NEK10: variants seen among roughly 807,000 people sequenced by gnomAD.
NEK10 encodes NIMA related kinase 10.
NEK10 carries 122 observed loss-of-function variants against 159.8 expected under a neutral mutation model. That is an observed-to-expected ratio of 0.76 (90% CI 0.66 to 0.89). The LOEUF (loss-of-function observed/expected upper bound fraction) is 0.89. NEK10 is among the 40% of genes least tolerant of loss of function. The probability of loss-of-function intolerance (pLI) is 0.00; values close to 1 mark genes in which losing one functional copy is unlikely to be tolerated. For missense variants in NEK10, 1,342 were observed against 1,323.1 expected, an observed-to-expected ratio of 1.01 and a Z score of -0.22; for synonymous variants, 466 against 457.1, an observed-to-expected ratio of 1.02 and a Z score of -0.25.
chr3:27,215,829 G>C (rs372635664), intron 23 of NEK10: 3 of 717,530 alleles, frequency 4.2e-6, no homozygotes, highest in East Asian at 5.4e-5. Context: ...GAGCCAGCAC[G>C]TTTTATGTGG....
chr3:27,231,206 A>T (rs1953223539), intron 23 of NEK10, among the ~76,000 whole-genome samples: 1 of 152,008 alleles, frequency 6.6e-6, no homozygotes, highest in Non-Finnish European at 1.5e-5. Context: ...CAACTCTAAA[A>T]GGAACCCTCC....
chr3:27,184,264 T>C (rs971612518), intron 26 of NEK10, among the ~76,000 whole-genome samples: 2 of 152,196 alleles, frequency 1.3e-5, no homozygotes, highest in Admixed American at 6.5e-5. Flanking sequence ...AAATTACTAA[T>C]ACACACCACG....
intron 32 of NEK10, among the ~76,000 whole-genome samples, chr3:27,130,212 T>C (rs537503724): frequency 6.6e-6 from 1 of 152,316 alleles, no homozygotes; most frequent in Non-Finnish European, 1.5e-5. Flanking sequence ...TGGCAGTCTT[T>C]ATAGGAGAGT....
intron 6 of NEK10, among the ~76,000 whole-genome samples, chr3:27,316,231 G>A (rs1049735522): frequency 1.2e-4 from 18 of 152,180 alleles, no homozygotes; most frequent in Non-Finnish European, 1.6e-4. Flanking sequence ...TGGAGATGGG[G>A]AGCGTATCAA....
chr3:27,228,073 G>T (rs1952821451), intron 23 of NEK10, among the ~76,000 whole-genome samples: 1 of 152,150 alleles, frequency 6.6e-6, no homozygotes. Context: ...ATGAGAAAAC[G>T]ATCACCAATG....
At chr3:27,117,639 T>C (rs1940664427) in intron 33 of NEK10, among the ~76,000 whole-genome samples, 1 of 152,362 alleles carries the variant, frequency 6.6e-6, no homozygotes, top group East Asian at 1.9e-4. Flanking sequence ...TTGAGTAGCA[T>C]CTGTTCATGT....
chr3:27,287,549 A>G (rs2042707982), intron 20 of NEK10, 149 bp downstream of exon 20: 2 of 720,282 alleles, frequency 2.8e-6, no homozygotes, highest in East Asian at 3.6e-5. Context: ...ACTAGTCAAG[A>G]AAGTGATGCT....
intron 23 of NEK10, among the ~76,000 whole-genome samples, chr3:27,236,401 G>A (rs949611777): frequency 6.6e-6 from 1 of 152,106 alleles, no homozygotes; most frequent in Non-Finnish European, 1.5e-5. Context: ...GTCTTTTGCA[G>A]CAACTTGGGT....
At chr3:27,293,357 G>A (rs1245987760) in intron 16 of NEK10, among the ~76,000 whole-genome samples, 1 of 152,202 alleles carries the variant, frequency 6.6e-6, no homozygotes, top group Non-Finnish European at 1.5e-5. Context: ...GAGTTGTATT[G>A]ATATAGCAAT....
intron 29 of NEK10, among the ~76,000 whole-genome samples, chr3:27,169,946 G>A (rs902406193): frequency 1.3e-5 from 2 of 152,136 alleles, no homozygotes; most frequent in Non-Finnish European, 2.9e-5. Flanking sequence ...GAATAAACAA[G>A]CTGGGAGTTC....
At chr3:27,196,733 C>T (rs1168265432) in intron 25 of NEK10, among the ~76,000 whole-genome samples, 3 of 152,132 alleles carry the variant, frequency 2.0e-5, no homozygotes, top group Admixed American at 1.3e-4. Context: ...GCTACCTTTC[C>T]CTCGCCCTTT....
At chr3:27,354,358 G>T (rs888414131) in intron 1 of NEK10, among the ~76,000 whole-genome samples, 1 of 152,104 alleles carries the variant, frequency 6.6e-6, no homozygotes, top group Non-Finnish European at 1.5e-5. Context: ...TGATCTAATC[G>T]TTATATCTGT....
intron 30 of NEK10, among the ~76,000 whole-genome samples, chr3:27,142,460 A>T (rs931187976): frequency 6.6e-6 from 1 of 151,468 alleles, no homozygotes; most frequent in African/African-American, 2.4e-5. Flanking sequence ...CCTCCCCTTA[A>T]CCTAGAGTGT....
intron 32 of NEK10, among the ~76,000 whole-genome samples, chr3:27,123,973 T>C (rs1182048022): frequency 6.6e-6 from 1 of 152,002 alleles, no homozygotes; most frequent in Admixed American, 6.6e-5. Context: ...TTAGACCTGA[T>C]TTTGGCATTT....
At chr3:27,176,184 T>A (rs1176764697) in intron 26 of NEK10, among the ~76,000 whole-genome samples, 2 of 152,228 alleles carry the variant, frequency 1.3e-5, no homozygotes, top group East Asian at 1.9e-4. Context: ...AACTGTCTGA[T>A]CAATTGCTGT....
At chr3:27,194,895 G>A (rs751288675) in intron 25 of NEK10, among the ~76,000 whole-genome samples, 12 of 152,114 alleles carry the variant, frequency 7.9e-5, no homozygotes, top group Non-Finnish European at 1.8e-4. Context: ...TCCTAGTACC[G>A]AGCAGAACAA....
chr3:27,136,566 G>A (rs779087792), intron 31 of NEK10, among the ~76,000 whole-genome samples: 5 of 152,112 alleles, frequency 3.3e-5, no homozygotes, highest in Non-Finnish European at 7.3e-5. Context: ...CATACTCAAA[G>A]GTAACATATG....
chr3:27,276,355 C>A (rs11711853), intron 22 of NEK10, among the ~76,000 whole-genome samples: 96,563 of 151,598 alleles, frequency 0.64, 33,033 homozygotes, highest in African/African-American at 0.91. Context: ...CAAAGATGCC[C>A]CCTGGAGGAA....
At chr3:27,162,034 AATAAGT>A (rs1224686111) in intron 30 of NEK10, among the ~76,000 whole-genome samples, 1 of 152,064 alleles carries the variant, frequency 6.6e-6, no homozygotes, top group Admixed American at 6.6e-5. Context: ...AAGAAACATA[AATAAGT>A]AAAAGATAAT....
Sources: gnomAD v4.1 joint callset for allele counts (sites outside exome capture counted in the v4.1 genomes callset) on GRCh38, gnomAD v4.1.1 for gene constraint, MANE v1.5 for transcripts, NCBI Gene and HGNC (gene_info 2026-07-23, HGNC 2026-07-21) for gene names.